The following MRPL17 variants were observed in gnomAD, a reference collection of about 807,000 sequenced individuals.
MRPL17 encodes the protein mitochondrial ribosomal protein L17.
A neutral mutation model predicts 12.0 loss-of-function variants in MRPL17; 8 were observed. That is an observed-to-expected ratio of 0.67 (90% CI 0.39 to 1.21). The LOEUF (loss-of-function observed/expected upper bound fraction) is 1.21, where lower values mean the gene tolerates loss of function less well. Among genes scored for constraint, MRPL17 ranks in the 50% most tolerant of loss-of-function variants. The probability of loss-of-function intolerance (pLI) is 0.01; values close to 1 mark genes in which losing one functional copy is unlikely to be tolerated. For synonymous variants in MRPL17, 107 were observed against 92.9 expected (o/e 1.15, Z -0.87); for missense variants, 263 against 234.4 (o/e 1.12, Z -0.80).
Position 6,682,812 on chromosome 11 carries a change from T to C in MRPL17, c.178A>G (p.Ile60Val), listed in dbSNP as rs765726263. The change falls in exon 2 of 3, where the codon ATC (isoleucine) becomes GTC (valine). Residue 60 changes from isoleucine to valine, a missense_variant. Coordinates refer to ENST00000288937, the MANE Select transcript of MRPL17 (RefSeq NM_022061.4). ...GTGTCTCCCAGCTTCCCATAGTCGA[T>C]GAGCTGTGAGGACATAACATCACGG... ...DEMRGYAEKL[I>V]DYGKLGDTNE... 1.2e-6 allele frequency: 2 copies of C among 1,613,654 alleles called. No individual in the cohort carries two copies. Among genetic ancestry groups the C allele is most frequent in the Non-Finnish European group, 1.7e-6 (2 of 1,179,580 alleles).
At position 6,680,763 on chromosome 11, in the gene MRPL17, A is replaced by G. The variant is rs1564879718; in HGVS notation, c.*1355T>C. ...ATTCATGCTAAGACAGAAGAGGGGT[A>G]TATTTTTTAGCAGAAGCAGAGTTGT... On this transcript the variant is annotated 3_prime_UTR_variant, in exon 3 of 3. Transcript: ENST00000288937. 6.6e-6 allele frequency: 1 copy of G among 152,238 alleles called. No individual in the cohort carries two copies. Among genetic ancestry groups the G allele is most frequent in the South Asian group, 2.1e-4 (1 of 4,838 alleles). 9.4% of individuals were successfully genotyped at this position (152,238 alleles called of 1,614,324 possible). A position where few individuals can be genotyped will look rare whatever the true frequency, so the allele number is the denominator to read the frequency against.
rs759440546 is a variant in MRPL17 at position 6,683,321 on chromosome 11, G to A, written c.-25C>T. ...TGTTTCCAACTTCTGCCCGCCCCTTGGAGGCCGGAACTGGAAACTGGAAGG... is the reference window on the plus strand; with the variant it reads ...TGTTTCCAACTTCTGCCCGCCCCTTAGAGGCCGGAACTGGAAACTGGAAGG... On this transcript the variant is annotated 5_prime_UTR_variant, in exon 1 of 3. Transcript: ENST00000288937. The A allele has an allele frequency of 3.8e-6, 6 of 1,598,938 alleles. No individual in the cohort carries two copies. In the Admixed American group the frequency reaches 8.5e-5, roughly 23 times the overall value.
At position 6,683,282 on chromosome 11, in the gene MRPL17, G is replaced by T. The variant is rs769434741; in HGVS notation, c.15C>A (p.Val5=). Residue 5 remains valine (V), a synonymous_variant, in exon 1 of 3, where the codon GTC becomes GTA. Coordinates refer to ENST00000288937, the MANE Select transcript of MRPL17 (RefSeq NM_022061.4). ...CGCGGCCATGGGAGATCGCTGCAGC[G>T]ACCGACAGCCGCATGTTTCCAACTT... MRLS[V]AAAISHGRVF... 5.6e-6 allele frequency: 9 copies of T among 1,611,056 alleles called. No homozygotes were observed. Among genetic ancestry groups the T allele is most frequent in the Non-Finnish European group, 7.6e-6 (9 of 1,177,858 alleles).
chr11:6,683,044 C>T, intron 1 of MRPL17, 79 bp downstream of exon 1: 6 of 1,536,178 alleles, frequency 3.9e-6, no homozygotes, highest in South Asian at 1.2e-5. Flanking sequence ...CAGGTTGGTC[C>T]CGGTCCCTTT....
chr11:6,682,873 T>C (rs1471426872), intron 1 of MRPL17, 58 bp from the exon 2 acceptor site: 1 of 1,539,842 alleles, frequency 6.5e-7, no homozygotes, highest in African/African-American at 1.4e-5. Context: ...GCCAATCTAA[T>C]TTCTCTAATG....
Position 6,681,528 on chromosome 11 carries a change from A to G in MRPL17, c.*590T>C, listed in dbSNP as rs565455327. 7 of 152,368 alleles carry G rather than the reference A, an allele frequency of 4.6e-5. No homozygotes were observed. The highest frequency in any genetic ancestry group is 1.7e-4 in the African/African-American group (7 of 41,572). The allele number at this position is 152,368 out of a possible 1,614,324, so 9.4% of individuals were successfully genotyped here. On this transcript the variant is annotated 3_prime_UTR_variant, in exon 3 of 3. Transcript: ENST00000288937. The stretch of plus-strand genomic sequence containing the variant: ...CCTCCCAGGCCCATTCAGGGGGTTG[A>G]AGGGAACACATTAAGGTAATGTGTG...
chr11:6,682,345 T>A lies in MRPL17; in HGVS notation c.301A>T (p.Thr101Ser). The change falls in exon 3 of 3, where the codon ACT becomes TCT. Residue 101 changes from threonine to serine, a missense_variant. Physicochemically the swap from Thr to Ser is moderately conservative, Grantham distance 58 (BLOSUM62 1). Transcript: ENST00000288937. ...TGCAGCATTCTTGTGTAGCCCCCAG[T>A]TTGATCTTTGTACCGAGGGGCCAGT... ...QVLAPRYKDQ[T>S]GGYTRMLQIP... The A allele has an allele frequency of 1.9e-6, 3 of 1,614,178 alleles. No homozygotes were observed. Among genetic ancestry groups the A allele is most frequent in the Non-Finnish European group, 1.7e-6 (2 of 1,180,036 alleles).
rs770809769 is a variant in MRPL17 at position 6,682,773 on chromosome 11, T to G, written c.217A>C (p.Met73Leu). The part of the protein sequence containing the change: ...GKLGDTNERA[M>L]RMADFWLTEK... ...GTGAGCCAGAAGTCAGCCATGCGCA[T>G]GGCTCGTTCGTTAGTGTCTCCCAGC... The change falls in exon 2 of 3, where the codon ATG becomes CTG. Residue 73 changes from methionine to leucine, a missense_variant. By Grantham distance (15) the Met-to-Leu change is conservative. Coordinates refer to ENST00000288937, the MANE Select transcript of MRPL17 (RefSeq NM_022061.4). 3 of 1,614,182 alleles carry G rather than the reference T, an allele frequency of 1.9e-6. No homozygotes were observed. The highest frequency in any genetic ancestry group is 2.5e-6 in the Non-Finnish European group (3 of 1,180,012).
chr11:6,682,630 A>ATGG (rs1406592053), intron 2 of MRPL17, 117 bp downstream of exon 2: 4 of 1,070,736 alleles, frequency 3.7e-6, no homozygotes, highest in Non-Finnish European at 5.7e-6. Flanking sequence ...TAATTTAGTT[A>ATGG]GCAGCACTGG....
chr11:6,682,058 G>A lies in MRPL17; in HGVS notation c.*60C>T. On this transcript the variant is annotated 3_prime_UTR_variant, in exon 3 of 3. Transcript: ENST00000288937. ...CTCCAGTTCTTCTCAGAGAGTAAAA[G>A]TGCTCCAAAGGCCTGTGATCATGGG... The A allele has an allele frequency of 6.5e-7, 1 of 1,537,890 alleles. No individual in the cohort carries two copies. The highest frequency in any genetic ancestry group is 1.3e-5 in the South Asian group (1 of 79,628).
chr11:6,682,823 G>C lies in MRPL17; in HGVS notation c.175-8C>G, dbSNP rs780697502. The C allele has an allele frequency of 6.2e-6, 10 of 1,611,248 alleles. No homozygotes were observed. Among genetic ancestry groups the C allele is most frequent in the African/African-American group, 1.3e-5 (1 of 74,860 alleles). ...CTTCCCATAGTCGATGAGCTGTGAG[G>C]ACATAACATCACGGATCCAACCGAG... is the stretch of plus-strand genomic sequence containing the variant. On this transcript the variant is annotated splice_polypyrimidine_tract_variant and splice_region_variant and intron_variant, in intron 1 of 2. Transcript: ENST00000288937.
Position 6,680,786 on chromosome 11 carries a change from T to G in MRPL17, c.*1332A>C, listed in dbSNP as rs1044605585. On this transcript the variant is annotated 3_prime_UTR_variant, in exon 3 of 3. Coordinates refer to ENST00000288937, the MANE Select transcript of MRPL17 (RefSeq NM_022061.4). ...GTATATTTTTTAGCAGAAGCAGAGT[T>G]GTAGCTTTATTTCATAAATGTTTTG... 3 of 152,218 alleles carry G rather than the reference T, an allele frequency of 2.0e-5. No individual in the cohort carries two copies. Among genetic ancestry groups the G allele is most frequent in the African/African-American group, 7.2e-5 (3 of 41,454 alleles). 9.4% of individuals were successfully genotyped at this position (152,218 alleles called of 1,614,324 possible).
At chr11:6,682,724 G>A in intron 2 of MRPL17, 23 bp downstream of exon 2, 1 of 1,612,852 alleles carries the variant, frequency 6.2e-7, no homozygotes, top group Non-Finnish European at 8.5e-7. Flanking sequence ...GTGGGATTTT[G>A]AAGGCAGATA....
rs887520808 is a variant in MRPL17 at position 6,682,001 on chromosome 11, C to A, written c.*117G>T. On this transcript the variant is annotated 3_prime_UTR_variant, in exon 3 of 3. Transcript: ENST00000288937. ...ATCTGGCTCCCCAGAAGGTTCTCAA[C>A]CCCATCAAGACTGTCCATTTTACAT... The A allele has an allele frequency of 1.5e-6, 2 of 1,290,440 alleles. No individual in the cohort carries two copies. Among genetic ancestry groups the A allele is most frequent in the Non-Finnish European group, 2.1e-6 (2 of 945,282 alleles). 79.9% of individuals were successfully genotyped at this position (1,290,440 alleles called of 1,614,324 possible). A position where few individuals can be genotyped will look rare whatever the true frequency, so the allele number is the denominator to read the frequency against.
Position 6,683,009 on chromosome 11 carries a change from G to T in MRPL17, c.174+114C>A, listed in dbSNP as rs1160869672. 7.7e-6 allele frequency: 11 copies of T among 1,433,040 alleles called. 1 individual carries two copies. The highest frequency in any genetic ancestry group is 6.4e-5 in the Admixed American group (3 of 47,152). The allele number at this position is 1,433,040 out of a possible 1,614,324, so 88.8% of individuals were successfully genotyped here. On this transcript the variant is annotated intron_variant, in intron 1 of 2. Transcript: ENST00000288937. ...GCGGGTTCAGCCCAAGGTTCTGGGGGACTCAGACTTGGGGAATGGTTTACC... is the reference window on the plus strand; with the variant it reads ...GCGGGTTCAGCCCAAGGTTCTGGGGTACTCAGACTTGGGGAATGGTTTACC...
rs1426710239 is a variant in MRPL17, at chr11:6,682,771, C to T, written c.219G>A (p.Met73Ile). ...GKLGDTNERA[M>I]RMADFWLTEK... Reference sequence around the variant, plus strand: ...CTGTGAGCCAGAAGTCAGCCATGCGCATGGCTCGTTCGTTAGTGTCTCCCA... The same window carrying T: ...CTGTGAGCCAGAAGTCAGCCATGCGTATGGCTCGTTCGTTAGTGTCTCCCA... The change falls in exon 2 of 3, where the codon ATG becomes ATA. Residue 73 changes from methionine (M) to isoleucine (I), a missense_variant. Physicochemically the swap from Met to Ile is conservative, Grantham distance 10. Transcript: ENST00000288937. 2 of 1,614,050 alleles carry T rather than the reference C, an allele frequency of 1.2e-6. No homozygotes were observed. Among genetic ancestry groups the T allele is most frequent in the Middle Eastern group, 1.6e-4 (1 of 6,076 alleles).
rs1846569972 is a variant in MRPL17 at position 6,681,992 on chromosome 11, G to A, written c.*126C>T. The A allele has an allele frequency of 9.0e-7, 1 of 1,109,078 alleles. No homozygotes were observed. The highest frequency in any genetic ancestry group is 1.3e-6 in the Non-Finnish European group (1 of 791,712). 68.7% of individuals were successfully genotyped at this position (1,109,078 alleles called of 1,614,324 possible). ...GAGAGGGTCATCTGGCTCCCCAGAAGGTTCTCAACCCCATCAAGACTGTCC... is the reference window on the plus strand; with the variant it reads ...GAGAGGGTCATCTGGCTCCCCAGAAAGTTCTCAACCCCATCAAGACTGTCC... On this transcript the variant is annotated 3_prime_UTR_variant, in exon 3 of 3. Transcript: ENST00000288937.
In MRPL17 at chr11:6,682,826, A is replaced by AT. The variant is rs762496010; in HGVS notation, c.175-12dup. 8 of 1,609,840 alleles carry AT rather than the reference A, an allele frequency of 5.0e-6. No individual in the cohort carries two copies. In the South Asian group the frequency reaches 8.8e-5, roughly 18 times the overall value. On this transcript the variant is annotated splice_polypyrimidine_tract_variant and intron_variant, in intron 1 of 2. Transcript: ENST00000288937. The stretch of plus-strand genomic sequence containing the variant: ...CCCATAGTCGATGAGCTGTGAGGAC[A>AT]TAACATCACGGATCCAACCGAGCAA...
At position 6,682,338 on chromosome 11, in the gene MRPL17, C is replaced by T. The variant is rs773123343; in HGVS notation, c.308G>A (p.Gly103Asp). 3 of 1,614,136 alleles carry T rather than the reference C, an allele frequency of 1.9e-6. No individual in the cohort carries two copies. The highest frequency in any genetic ancestry group is 2.2e-5 in the East Asian group (1 of 44,886). The stretch of plus-strand genomic sequence containing the variant: ...TGGGATCTGCAGCATTCTTGTGTAG[C>T]CCCCAGTTTGATCTTTGTACCGAGG... ...LAPRYKDQTG[G>D]YTRMLQIPNR... The change falls in exon 3 of 3, where the codon GGC becomes GAC. Residue 103 changes from glycine to aspartate, a missense_variant. Physicochemically the swap from Gly to Asp is moderately conservative, Grantham distance 94. Coordinates refer to ENST00000288937, the MANE Select transcript of MRPL17 (RefSeq NM_022061.4).
Sources: gnomAD v4.1 joint callset for allele counts on GRCh38, gnomAD v4.1.1 for gene constraint, MANE v1.5 for transcripts, NCBI Gene and HGNC (gene_info 2026-07-23, HGNC 2026-07-21) for gene names.